Variants in PDE1C observed in about 807,000 individuals in gnomAD.
PDE1C encodes phosphodiesterase 1C, also known as dual specificity calcium/calmodulin-dependent 3',5'-cyclic nucleotide phosphodiesterase 1C.
Under a neutral mutation model 93.1 loss-of-function variants are expected in PDE1C, and 62 were observed. The ratio of observed to expected loss-of-function variants is 0.67; its 90% CI spans 0.54 to 0.82. The LOEUF is 0.82. PDE1C is among the 40% of genes least tolerant of loss of function. The probability of loss-of-function intolerance (pLI) is 0.00; values close to 1 mark genes in which losing one functional copy is unlikely to be tolerated. For synonymous variants in PDE1C, 325 were observed against 310.1 expected (o/e 1.05, Z -0.50); for missense variants, 742 against 884.6 (o/e 0.84, Z 2.04).
rs191357584 is a variant in PDE1C, at chr7:32,167,343, A to G, written c.308+2442T>C. 1.1e-3 allele frequency among the ~76,000 whole-genome samples: 175 copies of G among 152,330 alleles called. 1 individual carries two copies. The highest frequency in any genetic ancestry group is 4.1e-3 in the African/African-American group (170 of 41,576). The stretch of plus-strand genomic sequence containing the variant: ...CCGGGAAAAGTGGAATTAAGTATCT[A>G]ACCCCTTCCTTTTGAGAATCAACAT... On this transcript the variant is annotated intron_variant, in intron 3 of 18. Transcript: ENST00000396193.
chr7:31,750,773 C>A (rs1391537656), downstream of PDE1C, among the ~76,000 whole-genome samples: 4 of 152,254 alleles, frequency 2.6e-5, no homozygotes, highest in East Asian at 5.8e-4. Flanking sequence ...GCTCTGTCGC[C>A]CAGGCTGGAA....
intron 1 of PDE1C, among the ~76,000 whole-genome samples, chr7:32,398,505 C>T (rs1038912866): frequency 8.6e-5 from 13 of 151,712 alleles, no homozygotes; most frequent in African/African-American, 3.1e-4. Context: ...TCTCCTGCCT[C>T]AGCCTCCCAA....
rs555509305 is a variant in PDE1C at position 32,052,609 on chromosome 7, C to T, written c.102-1029G>A. Among the ~76,000 whole-genome samples, 5 of 152,282 alleles carry T rather than the reference C, an allele frequency of 3.3e-5. No homozygotes were observed. The South Asian group carries it at 1.0e-3, about 32-fold the overall frequency. On this transcript the variant is annotated intron_variant, in intron 1 of 17. Coordinates refer to ENST00000396191, the MANE Select transcript of PDE1C (RefSeq NM_001191057.4). ...TAGTTCCACACCAGCATTTCCATTA[C>T]AGTCACTGTACCCAGGAAGCAAACC...
chr7:31,786,831 C>G (rs1285000141), intron 16 of PDE1C: 2 of 152,046 alleles, frequency 1.3e-5, no homozygotes, highest in African/African-American at 4.8e-5. Flanking sequence ...GGGAATGTTA[C>G]AAAGTAATTT....
At chr7:31,875,796 T>TAA (rs1269927522) in intron 5 of PDE1C, among the ~76,000 whole-genome samples, 2 of 43,012 alleles carry the variant, frequency 4.6e-5, no homozygotes, top group Admixed American at 2.8e-4. Context: ...CTTACATCTA[T>TAA]ATATATATAT....
At chr7:31,682,604 C>G in the PDE1C span, among the ~76,000 whole-genome samples, 2 of 152,128 alleles carry the variant, frequency 1.3e-5, no homozygotes, top group East Asian at 3.9e-4. Flanking sequence ...CCATATGGGC[C>G]AGCAATTGCA....
At chr7:32,082,032 C>A (rs945640290) in intron 3 of PDE1C, among the ~76,000 whole-genome samples, 1 of 152,232 alleles carries the variant, frequency 6.6e-6, no homozygotes, top group Non-Finnish European at 1.5e-5. Context: ...GTGCAGCGCA[C>A]CATGCGCGAG....
At chr7:31,904,708 G>A (rs1157184596) in intron 2 of PDE1C, among the ~76,000 whole-genome samples, 1 of 151,640 alleles carries the variant, frequency 6.6e-6, no homozygotes, top group African/African-American at 2.4e-5. Flanking sequence ...TCAATTGCAA[G>A]TAAAATTAAT....
chr7:32,194,379 T>C (rs1188884846), intron 2 of PDE1C, among the ~76,000 whole-genome samples: 4 of 152,238 alleles, frequency 2.6e-5, no homozygotes, highest in Non-Finnish European at 2.9e-5. Flanking sequence ...CAATCTATTG[T>C]TGAGAAAGAT....
chr7:31,851,180 C>A (rs1050690451), intron 7 of PDE1C, among the ~76,000 whole-genome samples: 1 of 151,956 alleles, frequency 6.6e-6, no homozygotes, highest in South Asian at 2.1e-4. Context: ...GGAGGATATC[C>A]ACTAGGAAGT....
the PDE1C span, among the ~76,000 whole-genome samples, chr7:31,672,189 G>A: frequency 6.6e-6 from 1 of 152,102 alleles, no homozygotes; most frequent in East Asian, 1.9e-4. Context: ...TCTCGGCCAA[G>A]TCTGAATGTC....
chr7:32,098,454 C>T (rs567758447), intron 3 of PDE1C, among the ~76,000 whole-genome samples: 23 of 152,128 alleles, frequency 1.5e-4, no homozygotes, highest in Admixed American at 1.4e-3. Flanking sequence ...TTCTAATGAT[C>T]TTAACACAAT....
At chr7:32,290,868 G>A (rs1000478984) in intron 1 of PDE1C, among the ~76,000 whole-genome samples, 2 of 152,102 alleles carry the variant, frequency 1.3e-5, no homozygotes, top group Non-Finnish European at 2.9e-5. Context: ...TTGAACAACA[G>A]AAAGCAGAAG....
At chr7:31,994,686 T>A (rs1453937588) in intron 2 of PDE1C, among the ~76,000 whole-genome samples, 2 of 152,158 alleles carry the variant, frequency 1.3e-5, no homozygotes, top group East Asian at 3.9e-4. Flanking sequence ...GCCCAAAAAC[T>A]GTGAATCAGG....
intron 17 of PDE1C, among the ~76,000 whole-genome samples, chr7:31,754,298 G>C (rs1049015905): frequency 6.6e-6 from 1 of 152,212 alleles, no homozygotes; most frequent in Non-Finnish European, 1.5e-5. Flanking sequence ...AATGCAAAAT[G>C]GTACAGCCAC....
At chr7:31,937,515 C>T (rs1048103139) in intron 2 of PDE1C, among the ~76,000 whole-genome samples, 1 of 152,130 alleles carries the variant, frequency 6.6e-6, no homozygotes, top group African/African-American at 2.4e-5. Context: ...CCCTTCCCAT[C>T]ATGGCTGGAA....
chr7:32,206,436 T>C (rs10273097), intron 2 of PDE1C, among the ~76,000 whole-genome samples: 51,715 of 150,904 alleles, frequency 0.34, 9,405 homozygotes, highest in Admixed American at 0.46. Flanking sequence ...GAGAGGAGGG[T>C]TTTTAGGGCC....
intron 3 of PDE1C, among the ~76,000 whole-genome samples, chr7:32,156,038 C>T (rs747321509): frequency 2.6e-5 from 4 of 152,236 alleles, no homozygotes; most frequent in Non-Finnish European, 5.9e-5. Context: ...CAACCCATTC[C>T]ATGAGTTTCT....
chr7:31,796,932 A>C (rs149809052), intron 16 of PDE1C, among the ~76,000 whole-genome samples: 1 of 151,762 alleles, frequency 6.6e-6, no homozygotes, highest in Non-Finnish European at 1.5e-5. Context: ...GACACCTAAA[A>C]ATAATATTAC....
Sources: gnomAD v4.1 joint callset for allele counts (sites outside exome capture counted in the v4.1 genomes callset) on GRCh38, gnomAD v4.1.1 for gene constraint, MANE v1.5 for transcripts, NCBI Gene and HGNC (gene_info 2026-07-23, HGNC 2026-07-21) for gene names.